Variants in OPCML observed in about 807,000 individuals in gnomAD.
The protein encoded by OPCML is opioid-binding protein/cell adhesion molecule.
Under a neutral mutation model 37.8 loss-of-function variants are expected in OPCML, and 13 were observed. The observed-to-expected ratio is 0.34, with a 90% CI of 0.22 to 0.55. The LOEUF (loss-of-function observed/expected upper bound fraction) is 0.55, where lower values mean the gene tolerates loss of function less well. Among genes scored for constraint, OPCML ranks in the 20% least tolerant of loss-of-function variants. The pLI, the probability that OPCML is intolerant of heterozygous loss-of-function variation, is 0.91. For missense variants in OPCML, 341 were observed against 435.6 expected, an observed-to-expected ratio of 0.78 and a Z score of 1.93; for synonymous variants, 176 against 168.8, an observed-to-expected ratio of 1.04 and a Z score of -0.33.
chr11:133,488,011 G>C (rs960275366), intron 1 of OPCML, among the ~76,000 whole-genome samples: 6 of 151,842 alleles, frequency 4.0e-5, no homozygotes, highest in African/African-American at 1.5e-4. Flanking sequence ...AAACAAAAAA[G>C]GATAAAAATC....
At chr11:132,660,690 G>A (rs765090329) in intron 2 of OPCML, among the ~76,000 whole-genome samples, 10 of 152,136 alleles carry the variant, frequency 6.6e-5, no homozygotes, top group Non-Finnish European at 1.2e-4. Flanking sequence ...AATGGAGAAT[G>A]CACTAGTTTG....
intron 1 of OPCML, chr11:133,024,854 A>C (rs1031171753): frequency 2.0e-6 from 2 of 985,440 alleles, no homozygotes; most frequent in African/African-American, 3.5e-5. Flanking sequence ...ACCTGCTTTC[A>C]TGTCCCTTCT....
intron 1 of OPCML, among the ~76,000 whole-genome samples, chr11:133,100,788 C>A (rs1949074140): frequency 6.6e-6 from 1 of 152,146 alleles, no homozygotes; most frequent in African/African-American, 2.4e-5. Context: ...CAGACATAAT[C>A]CTTATACCTT....
At chr11:133,472,826 G>A (rs1353279907) in intron 1 of OPCML, among the ~76,000 whole-genome samples, 5 of 151,882 alleles carry the variant, frequency 3.3e-5, no homozygotes, top group African/African-American at 9.7e-5. Context: ...TGGCAATCTC[G>A]TCCCTGGGGT....
At chr11:133,008,748 T>C (rs1205096616) in intron 1 of OPCML, 2 of 326,788 alleles carry the variant, frequency 6.1e-6, no homozygotes, top group South Asian at 2.4e-4. Context: ...ACTGCAACAA[T>C]GTCCACTATT....
chr11:132,963,846 C>G (rs921768073), intron 1 of OPCML, among the ~76,000 whole-genome samples: 5 of 152,042 alleles, frequency 3.3e-5, no homozygotes, highest in African/African-American at 1.2e-4. Context: ...CTACCTATAT[C>G]CTAGCTGCAC....
At chr11:132,904,903 C>T (rs1295679356) in intron 2 of OPCML, among the ~76,000 whole-genome samples, 1 of 152,216 alleles carries the variant, frequency 6.6e-6, no homozygotes, top group Non-Finnish European at 1.5e-5. Flanking sequence ...TAAGACTGAG[C>T]TTGCCTCAAT....
At position 132,810,516 on chromosome 11, in the gene OPCML, C is replaced by A. The variant is rs535580572; in HGVS notation, c.146+132410G>T. On this transcript the variant is annotated intron_variant, in intron 2 of 7. Coordinates refer to ENST00000524381, the MANE Select transcript of OPCML (RefSeq NM_001012393.5). Reference sequence around the variant, plus strand: ...GACTAGCCTGACCAACATGGTGAAACCCCTTCTCTACTAAAAATACAAAAA... The same window carrying A: ...GACTAGCCTGACCAACATGGTGAAAACCCTTCTCTACTAAAAATACAAAAA... 4.6e-5 allele frequency among the ~76,000 whole-genome samples: 7 copies of A among 152,164 alleles called. No individual in the cohort carries two copies. In the South Asian group the frequency reaches 1.5e-3, roughly 32 times the overall value.
At chr11:132,656,809 G>T (rs1447212502) in intron 3 of OPCML, among the ~76,000 whole-genome samples, 1 of 152,184 alleles carries the variant, frequency 6.6e-6, no homozygotes, top group East Asian at 1.9e-4. Context: ...GCTCCAGAGT[G>T]CTAAGTAACT....
At position 133,378,672 on chromosome 11, in the gene OPCML, TTTC is replaced by T. The variant is rs1033042569; in HGVS notation, c.61+153589_61+153591del. Among the ~76,000 whole-genome samples the T allele has an allele frequency of 1.5e-4, 22 of 151,348 alleles. No homozygotes were observed. In the East Asian group the frequency reaches 3.7e-3, roughly 25 times the overall value. ...GAATTTCTTTCTTTTCTTTCTTTCT[TTTC>T]TTTTCTTTCTTTCTTTCTTTTTTTC... On this transcript the variant is annotated intron_variant, in intron 1 of 7. Transcript: ENST00000524381.
At chr11:133,183,815 G>A (rs908946541) in intron 1 of OPCML, among the ~76,000 whole-genome samples, 1 of 152,140 alleles carries the variant, frequency 6.6e-6, no homozygotes, top group African/African-American at 2.4e-5. Context: ...GAACCTGAGG[G>A]AAACTCATAC....
intron 1 of OPCML, chr11:133,297,943 G>C (rs1027194839): frequency 2.0e-5 from 3 of 152,108 alleles, no homozygotes; most frequent in African/African-American, 4.8e-5. Context: ...GGTAGAATAG[G>C]TATTACTACT....
chr11:133,042,700 A>G (rs886297639), intron 1 of OPCML, among the ~76,000 whole-genome samples: 1 of 152,116 alleles, frequency 6.6e-6, no homozygotes, highest in Non-Finnish European at 1.5e-5. Flanking sequence ...CTTCCAGGGA[A>G]CCACAGGGGT....
intron 2 of OPCML, among the ~76,000 whole-genome samples, chr11:132,876,561 T>A (rs754311074): frequency 1.1e-4 from 17 of 152,220 alleles, no homozygotes; most frequent in Non-Finnish European, 2.4e-4. Flanking sequence ...TTACAGTACT[T>A]CTTAATGGCT....
intron 1 of OPCML, among the ~76,000 whole-genome samples, chr11:133,178,068 A>G (rs1006864623): frequency 6.6e-6 from 1 of 152,182 alleles, no homozygotes; most frequent in Non-Finnish European, 1.5e-5. Flanking sequence ...AGGACAACTG[A>G]CAATAGATGA....
intron 4 of OPCML, among the ~76,000 whole-genome samples, chr11:132,469,912 ATG>A (rs2096132398): frequency 1.0e-5 from 1 of 96,034 alleles, no homozygotes. Context: ...GTGTCTGTAT[ATG>A]TGTGTATGTG....
chr11:132,461,404 G>A (rs1474660259), intron 4 of OPCML, among the ~76,000 whole-genome samples: 2 of 152,158 alleles, frequency 1.3e-5, no homozygotes, highest in Non-Finnish European at 2.9e-5. Context: ...TCTGGAAAGG[G>A]GAACACATGG....
chr11:133,051,847 T>G (rs1948137267), intron 1 of OPCML, among the ~76,000 whole-genome samples: 1 of 152,226 alleles, frequency 6.6e-6, no homozygotes. Flanking sequence ...ATTTTCCAGA[T>G]GGACAGCTCT....
chr11:133,125,415 C>T (rs1168990520), intron 1 of OPCML, among the ~76,000 whole-genome samples: 2 of 151,874 alleles, frequency 1.3e-5, no homozygotes, highest in Non-Finnish European at 2.9e-5. Flanking sequence ...GCATCAGCTA[C>T]GTATTCATGT....
Sources: allele counts gnomAD v4.1 joint callset (sites outside exome capture counted in the v4.1 genomes callset), GRCh38; gene constraint gnomAD v4.1.1; transcripts MANE v1.5; gene names NCBI Gene and HGNC (gene_info 2026-07-23, HGNC 2026-07-21).